Variants in WIPF2 observed in about 807,000 individuals in gnomAD.
WIPF2 encodes WAS/WASL interacting protein family member 2.
A neutral mutation model predicts 38.8 loss-of-function variants in WIPF2; 23 were observed. The ratio of observed to expected loss-of-function variants is 0.59; its 90% CI spans 0.43 to 0.84. The LOEUF is 0.84. Among genes scored for constraint, WIPF2 ranks in the 40% least tolerant of loss-of-function variants. The probability of loss-of-function intolerance (pLI) is 0.00; values close to 1 mark genes in which losing one functional copy is unlikely to be tolerated. For synonymous variants in WIPF2, 210 were observed against 223.2 expected (o/e 0.94, Z 0.53); for missense variants, 574 against 580.5 (o/e 0.99, Z 0.11).
chr17:40,233,713 G>C (rs148910986), intron 1 of WIPF2, among the ~76,000 whole-genome samples: 3 of 152,194 alleles, frequency 2.0e-5, no homozygotes, highest in African/African-American at 7.2e-5. Context: ...GCCGAGGCCT[G>C]AGATTGGGAG....
chr17:40,247,281 A>G (rs1395772950), intron 1 of WIPF2, among the ~76,000 whole-genome samples: 1 of 136,150 alleles, frequency 7.3e-6, no homozygotes, highest in East Asian at 2.2e-4. Context: ...GCAGTGGCAC[A>G]ATCTCAGCTC....
Position 40,281,754 on chromosome 17 carries a change from G to A in WIPF2, c.*3529G>A, listed in dbSNP as rs2143026241. 6.6e-6 allele frequency: 1 copy of A among 152,620 alleles called. No individual in the cohort carries two copies. The highest frequency in any genetic ancestry group is 2.4e-5 in the African/African-American group (1 of 41,502). 9.5% of individuals were successfully genotyped at this position (152,620 alleles called of 1,614,324 possible). A position where few individuals can be genotyped will look rare whatever the true frequency, so the allele number is the denominator to read the frequency against. ...CCTGATCACTTGAAATAATCTGTAG[G>A]CTGAGTGCTTATGGGGGTGGGGGAG... On this transcript the variant is annotated 3_prime_UTR_variant, in exon 8 of 8. Transcript: ENST00000323571.
intron 1 of WIPF2, among the ~76,000 whole-genome samples, chr17:40,230,028 T>C (rs1253634031): frequency 2.0e-5 from 3 of 152,134 alleles, no homozygotes; most frequent in Non-Finnish European, 4.4e-5. Flanking sequence ...GGCTTCAGAA[T>C]GTGAGCTGTC....
intron 1 of WIPF2, among the ~76,000 whole-genome samples, chr17:40,232,485 C>G (rs2030790494): frequency 6.6e-6 from 1 of 150,806 alleles, no homozygotes; most frequent in Non-Finnish European, 1.5e-5. Context: ...TACCACCATG[C>G]CTGGCCTAAT....
At chr17:40,275,931 A>G (rs146355470) in intron 6 of WIPF2, among the ~76,000 whole-genome samples, 233 of 152,166 alleles carry the variant, frequency 1.5e-3, no homozygotes, top group Non-Finnish European at 2.4e-3. Context: ...GTCTATTCCT[A>G]TTAGGTATGC....
At chr17:40,238,131 A>G (rs1211716965) in intron 1 of WIPF2, among the ~76,000 whole-genome samples, 4 of 151,498 alleles carry the variant, frequency 2.6e-5, no homozygotes, top group Non-Finnish European at 5.9e-5. Flanking sequence ...TGCTGGGATT[A>G]CAGACGTGAG....
chr17:40,226,970 T>C (rs1386779886), intron 1 of WIPF2, among the ~76,000 whole-genome samples: 1 of 152,134 alleles, frequency 6.6e-6, no homozygotes, highest in African/African-American at 2.4e-5. Context: ...CTTGAACTCC[T>C]GACCTAGTGA....
intron 2 of WIPF2, among the ~76,000 whole-genome samples, chr17:40,258,886 TC>T (rs2031810945): frequency 6.6e-6 from 1 of 151,312 alleles, no homozygotes; most frequent in African/African-American, 2.4e-5. Flanking sequence ...GCTCAAGTGA[TC>T]CGCTTGCTTC....
chr17:40,264,412 T>C, intron 4 of WIPF2, 78 bp from the exon 5 acceptor site: 3 of 1,257,226 alleles, frequency 2.4e-6, no homozygotes, highest in Non-Finnish European at 3.4e-6. Context: ...CAGGTTGCAC[T>C]AAGGAGCCGA....
At chr17:40,257,048 G>C (rs1040046288) in intron 2 of WIPF2, among the ~76,000 whole-genome samples, 1 of 151,848 alleles carries the variant, frequency 6.6e-6, no homozygotes, top group African/African-American at 2.4e-5. Context: ...GCACGGTCTC[G>C]GCTCACTGCA....
intron 4 of WIPF2, 136 bp from the exon 5 acceptor site, chr17:40,264,348 AAAAAAG>A: frequency 4.3e-5 from 29 of 676,618 alleles, no homozygotes; most frequent in Non-Finnish European, 5.8e-5. Flanking sequence ...AAAAAAAAAA[AAAAAAG>A]AAAAACAAAA....
chr17:40,233,420 C>A lies in WIPF2; in HGVS notation c.-70+13928C>A, dbSNP rs573880660. ...TTATTTCTGCTTGTTTGTTTTTAAC[C>A]ACTTTTGCAATTTTTTTTCCCTGAT... On this transcript the variant is annotated intron_variant, in intron 1 of 7. Coordinates refer to ENST00000323571, the MANE Select transcript of WIPF2 (RefSeq NM_133264.5). Among the ~76,000 whole-genome samples the A allele has an allele frequency of 3.3e-5, 5 of 151,740 alleles. No homozygotes were observed. In the South Asian group the frequency reaches 1.0e-3, roughly 31 times the overall value.
chr17:40,281,387 C>G lies in WIPF2; in HGVS notation c.*3162C>G, dbSNP rs879820161. The G allele has an allele frequency of 6.6e-6, 1 of 152,228 alleles. No homozygotes were observed. Among genetic ancestry groups the G allele is most frequent in the African/African-American group, 2.4e-5 (1 of 41,448 alleles). The allele number at this position is 152,228 out of a possible 1,614,324, so 9.4% of individuals were successfully genotyped here. On this transcript the variant is annotated 3_prime_UTR_variant, in exon 8 of 8. Coordinates refer to ENST00000323571, the MANE Select transcript of WIPF2 (RefSeq NM_133264.5). The stretch of plus-strand genomic sequence containing the variant: ...TGCCCCTCTTCCTCTTCTCTGGTCA[C>G]TGAACCTGGACCAAAGCACTTTGAT...
intron 6 of WIPF2, among the ~76,000 whole-genome samples, chr17:40,274,249 T>G (rs1470424441): frequency 2.6e-5 from 4 of 152,188 alleles, no homozygotes; most frequent in Admixed American, 2.6e-4. Context: ...GTGCTAACTC[T>G]AAATCCACTC....
chr17:40,248,374 G>A (rs1319927780), intron 1 of WIPF2, among the ~76,000 whole-genome samples: 1 of 151,588 alleles, frequency 6.6e-6, no homozygotes, highest in Admixed American at 6.6e-5. Flanking sequence ...CCACCATGTT[G>A]GCCAGGCTGG....
chr17:40,256,588 C>T, intron 2 of WIPF2, 66 bp downstream of exon 2: 2 of 1,499,216 alleles, frequency 1.3e-6, no homozygotes, highest in Non-Finnish European at 1.8e-6. Context: ...TCCTCACATA[C>T]TTTTTTTTTC....
chr17:40,248,153 A>T (rs1173574528), intron 1 of WIPF2, among the ~76,000 whole-genome samples: 1 of 148,760 alleles, frequency 6.7e-6, no homozygotes, highest in African/African-American at 2.5e-5. Flanking sequence ...TAAAAATTTA[A>T]AAGTTATTTC....
rs530133514 is a variant in WIPF2 at position 40,255,487 on chromosome 17, A to G, written c.-69-904A>G. Among the ~76,000 whole-genome samples, 30 of 144,704 alleles carry G rather than the reference A, an allele frequency of 2.1e-4. 1 individual carries two copies. Among genetic ancestry groups the G allele is most frequent in the Admixed American group, 1.7e-3 (24 of 14,346 alleles). 94.9% of individuals were successfully genotyped at this position (144,704 alleles called of 152,430 possible). ...ATTACAGGCATGTGCCACCATGCCC[A>G]GTTAATTTTGTGTTTTTAGTAGAGA... On this transcript the variant is annotated intron_variant, in intron 1 of 7. Coordinates refer to ENST00000323571, the MANE Select transcript of WIPF2 (RefSeq NM_133264.5).
At position 40,220,562 on chromosome 17, in the gene WIPF2, C is replaced by CGTGTGT. The variant is rs753227454; in HGVS notation, c.-70+1077_-70+1082dup. 212 of 92,618 alleles carry CGTGTGT rather than the reference C, an allele frequency of 2.3e-3. 2 individuals carry two copies. The highest frequency in any genetic ancestry group is 9.3e-3 in the African/African-American group (193 of 20,728). 5.7% of individuals were successfully genotyped at this position (92,618 alleles called of 1,614,324 possible). On this transcript the variant is annotated intron_variant, in intron 1 of 7. Transcript: ENST00000323571. ...AGGTGTGACCACTACTCCCGCCTAA[C>CGTGTGT]GTGTGTGTGTGTATATATATATATA... is the stretch of plus-strand genomic sequence containing the variant.
Sources: gnomAD v4.1 joint callset for allele counts (sites outside exome capture counted in the v4.1 genomes callset) on GRCh38, gnomAD v4.1.1 for gene constraint, MANE v1.5 for transcripts, NCBI Gene and HGNC (gene_info 2026-07-23, HGNC 2026-07-21) for gene names.